The following ASCL5 variants were observed in gnomAD, a reference collection of about 807,000 sequenced individuals.
ASCL5 encodes the protein achaete-scute homolog 5.
For missense variants in ASCL5, 262 were observed against 268.9 expected (o/e 0.97, Z 0.18); for synonymous variants, 124 against 131.5 (o/e 0.94, Z 0.39).
At chr1:201,123,435 C>T (rs902184805) in intron 1 of ASCL5, among the ~76,000 whole-genome samples, 1 of 152,178 alleles carries the variant, frequency 6.6e-6, no homozygotes, top group Non-Finnish European at 1.5e-5. Flanking sequence ...TAGCACTTAC[C>T]TATATGCCAG....
rs2102197870 is a variant in ASCL5, at chr1:201,114,792, G to A, written c.581C>T (p.Ser194Phe). The change falls in exon 2 of 2, where the codon TCC becomes TTC. Residue 194 changes from serine (S) to phenylalanine (F), a missense_variant. Physicochemically the swap from Ser to Phe is radical, Grantham distance 155. Coordinates refer to ENST00000449188, the MANE Select transcript of ASCL5 (RefSeq NM_001270601.2). The part of the protein sequence containing the change: ...VPESSESSCF[S>F]PSPFLESEES... ...CTCCGACTCCAAGAAAGGCGACGGG[G>A]AGAAGCAGGAGGACTCGGATGACTC... 1 of 1,229,700 alleles carries A rather than the reference G, an allele frequency of 8.1e-7. No individual in the cohort carries two copies. Among genetic ancestry groups the A allele is most frequent in the African/African-American group, 1.6e-5 (1 of 64,456 alleles). The allele number at this position is 1,229,700 out of a possible 1,614,324, so 76.2% of individuals were successfully genotyped here.
intron 1 of ASCL5, among the ~76,000 whole-genome samples, chr1:201,117,353 C>T (rs1572084567): frequency 6.6e-6 from 1 of 152,150 alleles, no homozygotes; most frequent in African/African-American, 2.4e-5. Flanking sequence ...GAAGAATCGC[C>T]TGAACCTGGG....
chr1:201,122,568 G>A (rs979729593), intron 1 of ASCL5, among the ~76,000 whole-genome samples: 2 of 152,156 alleles, frequency 1.3e-5, no homozygotes, highest in African/African-American at 4.8e-5. Context: ...TCACACAGCC[G>A]ATTGAATTTA....
In ASCL5 at chr1:201,115,681, G is replaced by A; in HGVS notation, c.-309C>T. 1 of 209,246 alleles carries A rather than the reference G, an allele frequency of 4.8e-6. No individual in the cohort carries two copies. Among genetic ancestry groups the A allele is most frequent in the Non-Finnish European group, 9.5e-6 (1 of 105,816 alleles). 13.0% of individuals were successfully genotyped at this position (209,246 alleles called of 1,614,324 possible). A position where few individuals can be genotyped will look rare whatever the true frequency, so the allele number is the denominator to read the frequency against. ...CACCCATGGGCATGGCCACAGACCC[G>A]CCCACCCTGCCTCTTGCTGCCACCC... On this transcript the variant is annotated 5_prime_UTR_variant, in exon 2 of 2. Transcript: ENST00000449188.
rs980829069 is a variant in ASCL5, at chr1:201,115,379, G to A, written c.-7C>T. The A allele has an allele frequency of 1.6e-6, 2 of 1,231,394 alleles. No individual in the cohort carries two copies. Among genetic ancestry groups the A allele is most frequent in the African/African-American group, 1.6e-5 (1 of 64,414 alleles). The allele number at this position is 1,231,394 out of a possible 1,614,324, so 76.3% of individuals were successfully genotyped here. ...GGCAGAAGTTATTGTTCATGGTGCC[G>A]CGTGGAGCTGGACCCAGAGCGAGGC... On this transcript the variant is annotated 5_prime_UTR_variant, in exon 2 of 2. Transcript: ENST00000449188.
At chr1:201,120,587 G>A (rs1205698826) in intron 1 of ASCL5, among the ~76,000 whole-genome samples, 2 of 152,166 alleles carry the variant, frequency 1.3e-5, no homozygotes, top group Non-Finnish European at 2.9e-5. Flanking sequence ...CACAGTACAC[G>A]CTCAGTTAAG....
At chr1:201,124,323 G>C (rs1011766971) in intron 1 of ASCL5, among the ~76,000 whole-genome samples, 1 of 152,160 alleles carries the variant, frequency 6.6e-6, no homozygotes, top group Admixed American at 6.5e-5. Context: ...TGGGTACCAT[G>C]GAAGCTGCCC....
intron 1 of ASCL5, among the ~76,000 whole-genome samples, chr1:201,121,784 T>C (rs951037252): frequency 5.3e-5 from 8 of 151,808 alleles, no homozygotes; most frequent in Admixed American, 3.3e-4. Context: ...TGAGCTGTGA[T>C]TGCAGCACTG....
rs1165865491 is a variant in ASCL5 at position 201,114,979 on chromosome 1, T to C, written c.394A>G (p.Ile132Val). ...CTCAGCAGCTCTTGCAGGTACTTTA[T>C]GTAGCGGATGGCGGCGCGCAGCGTC... is the stretch of plus-strand genomic sequence containing the variant. ...VETLRAAIRY[I>V]KYLQELLSSA... The change falls in exon 2 of 2, where the codon ATA (isoleucine) becomes GTA (valine). Residue 132 changes from isoleucine to valine, a missense_variant. Physicochemically the swap from Ile to Val is conservative, Grantham distance 29 (BLOSUM62 3). Coordinates refer to ENST00000449188, the MANE Select transcript of ASCL5 (RefSeq NM_001270601.2). The C allele has an allele frequency of 5.7e-6, 7 of 1,231,498 alleles. No homozygotes were observed. Among genetic ancestry groups the C allele is most frequent in the Admixed American group, 4.2e-5 (1 of 23,688 alleles). The allele number at this position is 1,231,498 out of a possible 1,614,324, so 76.3% of individuals were successfully genotyped here. A position where few individuals can be genotyped will look rare whatever the true frequency, so the allele number is the denominator to read the frequency against.
rs1663297336 is a variant in ASCL5 at position 201,114,759 on chromosome 1, C to G, written c.614G>C (p.Trp205Ser). Reference protein sequence around the residue: ...PSPFLESEESWH With the variant: ...PSPFLESEESSH ...GGGCGGCCACAGGCCCGATCAATGC[C>G]AGGATTCCTCCGACTCCAAGAAAGG... The change falls in exon 2 of 2, where the codon TGG becomes TCG. Residue 205 changes from tryptophan to serine, a missense_variant. Coordinates refer to ENST00000449188, the MANE Select transcript of ASCL5 (RefSeq NM_001270601.2). The G allele has an allele frequency of 1.6e-6, 2 of 1,230,982 alleles. No homozygotes were observed. Among genetic ancestry groups the G allele is most frequent in the African/African-American group, 3.1e-5 (2 of 64,364 alleles). The allele number at this position is 1,230,982 out of a possible 1,614,324, so 76.3% of individuals were successfully genotyped here.
At chr1:201,121,233 G>A (rs1362553356) in intron 1 of ASCL5, among the ~76,000 whole-genome samples, 1 of 152,320 alleles carries the variant, frequency 6.6e-6, no homozygotes, top group Non-Finnish European at 1.5e-5. Flanking sequence ...CTTAAAAAAT[G>A]GTCTTAAGCC....
chr1:201,114,716 G>A lies in ASCL5; in HGVS notation c.*36C>T. 8.1e-7 allele frequency: 1 copy of A among 1,229,966 alleles called. No homozygotes were observed. Among genetic ancestry groups the A allele is most frequent in the Non-Finnish European group, 1.0e-6 (1 of 986,760 alleles). The allele number at this position is 1,229,966 out of a possible 1,614,324, so 76.2% of individuals were successfully genotyped here. On this transcript the variant is annotated 3_prime_UTR_variant, in exon 2 of 2. Transcript: ENST00000449188. Reference sequence around the variant, plus strand: ...TCCCGAAAGTGGGACGGGGCCGGCGGATCATCCTCCAAGCCGGGGGCGGCC... The same window carrying A: ...TCCCGAAAGTGGGACGGGGCCGGCGAATCATCCTCCAAGCCGGGGGCGGCC...
Position 201,115,352 on chromosome 1 carries a change from C to G in ASCL5, c.21G>C (p.Arg7=), listed in dbSNP as rs968054265. The G allele has an allele frequency of 8.1e-7, 1 of 1,231,334 alleles. No individual in the cohort carries two copies. The highest frequency in any genetic ancestry group is 1.6e-5 in the African/African-American group (1 of 64,402). 76.3% of individuals were successfully genotyped at this position (1,231,334 alleles called of 1,614,324 possible). ...CCAGAGGCCTCCGGTCCACCAGAGC[C>G]CGGCAGAAGTTATTGTTCATGGTGC... The part of the protein sequence containing the change: MNNNFC[R]ALVDRRPLGP... Residue 7 remains arginine (R), a synonymous_variant, in exon 2 of 2, where the codon CGG becomes CGC. Transcript: ENST00000449188.
chr1:201,120,529 C>T (rs1453104692), intron 1 of ASCL5, among the ~76,000 whole-genome samples: 1 of 152,198 alleles, frequency 6.6e-6, no homozygotes, highest in Non-Finnish European at 1.5e-5. Flanking sequence ...CCAACCCAGG[C>T]TGTAAACTGT....
In ASCL5 at chr1:201,115,185, AC is replaced by A; in HGVS notation, c.187del (p.Val63CysfsTer70). ...EPPYYDAYAG[V>X]FPYVPFPGAF... The stretch of plus-strand genomic sequence containing the variant: ...GCCGGGGAAGGGCACGTAGGGGAAC[AC>A]CCCCGCATAGGCGTCGTAGTAGGGC... On this transcript the variant is annotated frameshift_variant, in exon 2 of 2. Coordinates refer to ENST00000449188, the MANE Select transcript of ASCL5 (RefSeq NM_001270601.2). LOFTEE classifies it low-confidence loss of function (END_TRUNC). 1 of 1,231,012 alleles carries A rather than the reference AC, an allele frequency of 8.1e-7. No homozygotes were observed. Among genetic ancestry groups the A allele is most frequent in the Non-Finnish European group, 1.0e-6 (1 of 987,744 alleles). The allele number at this position is 1,231,012 out of a possible 1,614,324, so 76.3% of individuals were successfully genotyped here. A position where few individuals can be genotyped will look rare whatever the true frequency, so the allele number is the denominator to read the frequency against.
intron 1 of ASCL5, among the ~76,000 whole-genome samples, chr1:201,119,472 C>T (rs1201094302): frequency 6.6e-6 from 1 of 152,126 alleles, no homozygotes; most frequent in South Asian, 2.1e-4. Context: ...ATCCCGACCC[C>T]ACGGGTGTCG....
chr1:201,118,218 G>A (rs1401688799), intron 1 of ASCL5, among the ~76,000 whole-genome samples: 1 of 152,210 alleles, frequency 6.6e-6, no homozygotes, highest in African/African-American at 2.4e-5. Context: ...GGTGGCTCAT[G>A]CCTGTAATCC....
Position 201,114,624 on chromosome 1 carries a change from G to A in ASCL5, c.*128C>T. On this transcript the variant is annotated 3_prime_UTR_variant, in exon 2 of 2. Transcript: ENST00000449188. ...GAGGGAGGGTGTCGCAGACACGGGAGCGCCGCGGACCTCCTACAGTCACCG... is the reference window on the plus strand; with the variant it reads ...GAGGGAGGGTGTCGCAGACACGGGAACGCCGCGGACCTCCTACAGTCACCG... 2.4e-6 allele frequency: 2 copies of A among 837,722 alleles called. No homozygotes were observed. 51.9% of individuals were successfully genotyped at this position (837,722 alleles called of 1,614,324 possible). A position where few individuals can be genotyped will look rare whatever the true frequency, so the allele number is the denominator to read the frequency against.
At chr1:201,120,458 C>T (rs1342691386) in intron 1 of ASCL5, among the ~76,000 whole-genome samples, 2 of 152,334 alleles carry the variant, frequency 1.3e-5, no homozygotes, top group East Asian at 3.9e-4. Flanking sequence ...CAGCCTTATA[C>T]TCTGCATGGG....
Sources: allele counts gnomAD v4.1 joint callset (sites outside exome capture counted in the v4.1 genomes callset), GRCh38; gene constraint gnomAD v4.1.1; transcripts MANE v1.5; gene names NCBI Gene and HGNC (gene_info 2026-07-23, HGNC 2026-07-21).